The following GLCE variants were observed in gnomAD, a reference collection of about 807,000 sequenced individuals.
The protein encoded by GLCE is D-glucuronyl C5-epimerase.
Under a neutral mutation model 47.9 loss-of-function variants are expected in GLCE, and 19 were observed. The observed-to-expected ratio is 0.40, with a 90% CI of 0.28 to 0.58. The LOEUF (loss-of-function observed/expected upper bound fraction) is 0.58. GLCE is among the 20% of genes least tolerant of loss of function. The pLI, the probability that GLCE is intolerant of heterozygous loss-of-function variation, is 0.48. For synonymous variants in GLCE, 245 were observed against 263.4 expected, an observed-to-expected ratio of 0.93 and a Z score of 0.68; for missense variants, 556 against 743.3, an observed-to-expected ratio of 0.75 and a Z score of 2.93.
intron 1 of GLCE, among the ~76,000 whole-genome samples, chr15:69,195,006 G>A (rs1391574202): frequency 1.3e-5 from 2 of 152,060 alleles, no homozygotes; most frequent in African/African-American, 4.8e-5. Flanking sequence ...CCTAATTATA[G>A]TTCAGGTTGA....
chr15:69,254,265 A>G (rs1319848395), intron 2 of GLCE, among the ~76,000 whole-genome samples: 4 of 152,306 alleles, frequency 2.6e-5, no homozygotes, highest in African/African-American at 9.6e-5. Context: ...AACTATCCAT[A>G]ATTTCCCATG....
rs568852253 is a variant in GLCE, at chr15:69,191,443, A to G, written c.-104-18873A>G. 1.4e-4 allele frequency among the ~76,000 whole-genome samples: 21 copies of G among 152,294 alleles called. No homozygotes were observed. The South Asian group carries it at 3.7e-3, about 27-fold the overall frequency. On this transcript the variant is annotated intron_variant, in intron 1 of 4. Coordinates refer to ENST00000261858, the MANE Select transcript of GLCE (RefSeq NM_015554.3). ...ACAAAGCTAAATTAGCAAATGGGAA[A>G]GGTTCATGGGTGAAGTCTGGAGGAA...
At chr15:69,231,385 G>T (rs1446769629) in intron 2 of GLCE, among the ~76,000 whole-genome samples, 1 of 151,172 alleles carries the variant, frequency 6.6e-6, no homozygotes, top group East Asian at 2.0e-4. Flanking sequence ...CCGGGTTCAC[G>T]CCATTCTCCT....
chr15:69,221,649 G>A (rs745598294), intron 2 of GLCE, among the ~76,000 whole-genome samples: 4 of 151,928 alleles, frequency 2.6e-5, no homozygotes, highest in Non-Finnish European at 4.4e-5. Context: ...GATCACCTGA[G>A]GTCAGGAGTT....
At chr15:69,204,040 T>C (rs2140366838) in intron 1 of GLCE, among the ~76,000 whole-genome samples, 1 of 152,160 alleles carries the variant, frequency 6.6e-6, no homozygotes, top group Admixed American at 6.6e-5. Flanking sequence ...AAAATTTAAA[T>C]TCCTCTACTA....
intron 1 of GLCE, among the ~76,000 whole-genome samples, chr15:69,164,703 T>C (rs1361382887): frequency 6.6e-6 from 1 of 152,108 alleles, no homozygotes; most frequent in East Asian, 1.9e-4. Context: ...TTTTACATAT[T>C]ATACCTAATT....
At chr15:69,187,746 C>G (rs1367471930) in intron 1 of GLCE, among the ~76,000 whole-genome samples, 2 of 152,068 alleles carry the variant, frequency 1.3e-5, no homozygotes, top group African/African-American at 4.8e-5. Flanking sequence ...AAATGTTAAA[C>G]CAACCTTGCT....
rs2051789481 is a variant in GLCE at position 69,184,151 on chromosome 15, T to C, written c.-105+23394T>C. 3.3e-5 allele frequency among the ~76,000 whole-genome samples: 5 copies of C among 152,220 alleles called. No homozygotes were observed. The South Asian group carries it at 1.0e-3, about 32-fold the overall frequency. ...CTCTATATTTTAACATCCAGGAATT[T>C]TTCATAAGAATGAACATCAATCCCA... On this transcript the variant is annotated intron_variant, in intron 1 of 4. Coordinates refer to ENST00000261858, the MANE Select transcript of GLCE (RefSeq NM_015554.3).
At chr15:69,233,052 T>C (rs546454938) in intron 2 of GLCE, among the ~76,000 whole-genome samples, 3 of 152,292 alleles carry the variant, frequency 2.0e-5, no homozygotes, top group East Asian at 3.9e-4. Context: ...TTATTAAAGA[T>C]TGTAGAATAT....
intron 1 of GLCE, among the ~76,000 whole-genome samples, chr15:69,188,314 G>A (rs771173024): frequency 2.0e-5 from 3 of 152,164 alleles, no homozygotes; most frequent in Non-Finnish European, 4.4e-5. Context: ...TGTTGGATTT[G>A]ATTTATGTCA....
chr15:69,252,194 G>A (rs1040513664), intron 2 of GLCE, among the ~76,000 whole-genome samples: 2 of 151,972 alleles, frequency 1.3e-5, no homozygotes, highest in African/African-American at 4.8e-5. Context: ...TCAACATATT[G>A]GTAGCTGTGT....
At chr15:69,225,100 G>T (rs1425843666) in intron 2 of GLCE, among the ~76,000 whole-genome samples, 1 of 152,126 alleles carries the variant, frequency 6.6e-6, no homozygotes. Flanking sequence ...TACCCATAGT[G>T]ATATAATATG....
intron 1 of GLCE, among the ~76,000 whole-genome samples, chr15:69,199,719 A>C (rs1310334795): frequency 1.3e-5 from 2 of 152,180 alleles, no homozygotes; most frequent in African/African-American, 4.8e-5. Flanking sequence ...GCACTGTACC[A>C]TGCCTTAAAC....
intron 1 of GLCE, among the ~76,000 whole-genome samples, chr15:69,178,054 G>A (rs1426826014): frequency 2.0e-5 from 3 of 152,100 alleles, no homozygotes; most frequent in African/African-American, 7.2e-5. Flanking sequence ...AAGCTGTTAC[G>A]AATATTAGTG....
At chr15:69,244,855 T>G (rs1008949787) in intron 2 of GLCE, among the ~76,000 whole-genome samples, 10 of 152,356 alleles carry the variant, frequency 6.6e-5, no homozygotes, top group Middle Eastern at 6.8e-3. Flanking sequence ...TCTATGAAAT[T>G]CAAATAATAT....
chr15:69,240,468 A>G (rs115664478), intron 2 of GLCE, among the ~76,000 whole-genome samples: 130 of 152,294 alleles, frequency 8.5e-4, no homozygotes, highest in African/African-American at 3.0e-3. Context: ...TTATGCTTGT[A>G]GATTTTTTAA....
At chr15:69,197,491 CA>C (rs1296281253) in intron 1 of GLCE, 1 of 164,350 alleles carries the variant, frequency 6.1e-6, no homozygotes, top group Non-Finnish European at 1.3e-5. Flanking sequence ...ATTCACGGTA[CA>C]AAACCGCAAT....
intron 1 of GLCE, among the ~76,000 whole-genome samples, chr15:69,205,512 A>G (rs780270044): frequency 2.0e-5 from 3 of 152,144 alleles, no homozygotes; most frequent in Non-Finnish European, 2.9e-5. Context: ...GTAAAAATAC[A>G]TAGGTATGGG....
At position 69,268,316 on chromosome 15, in the gene GLCE, T is replaced by C. The variant is rs2053114608; in HGVS notation, c.926T>C (p.Val309Ala). 4 of 1,613,236 alleles carry C rather than the reference T, an allele frequency of 2.5e-6. No homozygotes were observed. The highest frequency in any genetic ancestry group is 3.4e-6 in the Non-Finnish European group (4 of 1,179,274). The change falls in exon 5 of 5, where the codon GTT (valine) becomes GCT (alanine). Residue 309 changes from valine to alanine, a missense_variant. Coordinates refer to ENST00000261858, the MANE Select transcript of GLCE (RefSeq NM_015554.3). ...TTGACAAATGGAAGTGTGTCCGTGG[T>C]TCTAGAGACCACAGAAAAGAATCAG... Reference protein sequence around the residue: ...KFLTNGSVSVVLETTEKNQLF... With the variant: ...KFLTNGSVSVALETTEKNQLF...
Sources: allele counts gnomAD v4.1 joint callset (sites outside exome capture counted in the v4.1 genomes callset), GRCh38; gene constraint gnomAD v4.1.1; transcripts MANE v1.5; gene names NCBI Gene and HGNC (gene_info 2026-07-23, HGNC 2026-07-21).